ALPK1: variants seen among roughly 807,000 people sequenced by gnomAD.
ALPK1 encodes alpha kinase 1.
Under a neutral mutation model 120.6 loss-of-function variants are expected in ALPK1, and 110 were observed. That is an observed-to-expected ratio of 0.91 (90% CI 0.78 to 1.07). The LOEUF (loss-of-function observed/expected upper bound fraction) is 1.07, where lower values mean the gene tolerates loss of function less well. Among genes scored for constraint, ALPK1 ranks in the 50% least tolerant of loss-of-function variants. The pLI, the probability that ALPK1 is intolerant of heterozygous loss-of-function variation, is 0.00. For synonymous variants in ALPK1, 582 were observed against 560.3 expected (o/e 1.04, Z -0.55); for missense variants, 1,498 against 1,483.9 (o/e 1.01, Z -0.16).
chr4:112,403,413 G>C (rs949940237), intron 4 of ALPK1, among the ~76,000 whole-genome samples: 31 of 152,176 alleles, frequency 2.0e-4, no homozygotes, highest in African/African-American at 7.0e-4. Flanking sequence ...CGTTTCAAAA[G>C]GGAAAGAGAA....
chr4:112,427,740 C>G, intron 9 of ALPK1, 75 bp downstream of exon 9: 4 of 1,053,024 alleles, frequency 3.8e-6, no homozygotes, highest in Non-Finnish European at 4.4e-6. Context: ...TAGTGGCTGT[C>G]TTTCTCAGGA....
At chr4:112,421,746 G>A (rs1398723142) in intron 5 of ALPK1, among the ~76,000 whole-genome samples, 2 of 152,046 alleles carry the variant, frequency 1.3e-5, no homozygotes, top group Admixed American at 6.5e-5. Context: ...CATCTATCAC[G>A]CACGGTAGCC....
chr4:112,315,905 G>A (rs1286080146), intron 2 of ALPK1, 53 bp downstream of exon 2: 1 of 152,054 alleles, frequency 6.6e-6, no homozygotes, highest in African/African-American at 2.4e-5. Context: ...TAACTACATA[G>A]CAATACGTAG....
intron 4 of ALPK1, among the ~76,000 whole-genome samples, chr4:112,398,786 C>T (rs2148739626): frequency 6.6e-6 from 1 of 152,136 alleles, no homozygotes; most frequent in East Asian, 1.9e-4. Flanking sequence ...AGTGGGTGCC[C>T]TGGAGGAGAT....
At chr4:112,414,491 C>A in intron 5 of ALPK1, 1 of 331,926 alleles carries the variant, frequency 3.0e-6, no homozygotes, top group Non-Finnish European at 6.2e-6. Flanking sequence ...GCCTGTAATC[C>A]CAGCTACTTA....
intron 2 of ALPK1, among the ~76,000 whole-genome samples, chr4:112,317,184 A>C (rs923110652): frequency 6.6e-6 from 1 of 151,982 alleles, no homozygotes; most frequent in Non-Finnish European, 1.5e-5. Flanking sequence ...TTCTCATTTC[A>C]TAGGTTTCCT....
rs540359544 is a variant in ALPK1, at chr4:112,358,932, C to G, written c.-100-18746C>G. The G allele has an allele frequency of 1.0e-4, 80 of 768,966 alleles. No homozygotes were observed. In the African/African-American group the frequency reaches 1.3e-3, roughly 12 times the overall value. The allele number at this position is 768,966 out of a possible 1,614,324, so 47.6% of individuals were successfully genotyped here. ...TGAAAACCCCAAGAAGCACAGCCAG[C>G]TCCAGGGCTTCTACCAGTTTGTGCA... On this transcript the variant is annotated intron_variant, in intron 2 of 15. Coordinates refer to ENST00000650871, the MANE Select transcript of ALPK1 (RefSeq NM_025144.4).
chr4:112,374,710 T>A (rs1324016279), intron 2 of ALPK1, among the ~76,000 whole-genome samples: 4 of 152,244 alleles, frequency 2.6e-5, no homozygotes, highest in Non-Finnish European at 5.9e-5. Flanking sequence ...GAATGAATGT[T>A]ATATCAGCAG....
intron 2 of ALPK1, chr4:112,359,669 G>A: frequency 4.2e-6 from 1 of 240,500 alleles, no homozygotes; most frequent in Non-Finnish European, 8.5e-6. Flanking sequence ...GGGCCTTGGG[G>A]GAGGATGGTG....
intron 1 of ALPK1, among the ~76,000 whole-genome samples, chr4:112,315,161 T>G (rs1041315950): frequency 6.6e-6 from 1 of 152,090 alleles, no homozygotes; most frequent in Non-Finnish European, 1.5e-5. Flanking sequence ...GGATTACAGG[T>G]GCAAGACACT....
intron 4 of ALPK1, among the ~76,000 whole-genome samples, chr4:112,395,118 T>C (rs1451415080): frequency 6.6e-6 from 1 of 152,184 alleles, no homozygotes; most frequent in African/African-American, 2.4e-5. Context: ...TGTGATATAT[T>C]CTTCACAGCA....
In ALPK1 at chr4:112,359,189, C is replaced by T. The variant is rs1730793963; in HGVS notation, c.-100-18489C>T. 4.9e-6 allele frequency: 3 copies of T among 613,622 alleles called. 1 individual carries two copies. Among genetic ancestry groups the T allele is most frequent in the Non-Finnish European group, 8.9e-6 (3 of 336,528 alleles). The allele number at this position is 613,622 out of a possible 1,614,324, so 38.0% of individuals were successfully genotyped here. ...GGCCCCACCTGTCCCCCAGGCCACC[C>T]CCCACAGGAGACCCTGGCAGCCACC... On this transcript the variant is annotated intron_variant, in intron 2 of 15. Transcript: ENST00000650871.
Position 112,430,713 on chromosome 4 carries a change from T to C in ALPK1, c.1166T>C (p.Leu389Pro), listed in dbSNP as rs756949043. ...CTCTGTAAGGAAGCAATGGGGAAGCTGTACAATTTCAGCACTTCCTCCAGA... is the reference window on the plus strand; with the variant it reads ...CTCTGTAAGGAAGCAATGGGGAAGCCGTACAATTTCAGCACTTCCTCCAGA... The part of the protein sequence containing the change: ...SQLCKEAMGK[L>P]YNFSTSSRSQ... Residue 389 changes from leucine (L) to proline (P), a missense_variant, in exon 11 of 16, where the codon CTG becomes CCG. Coordinates refer to ENST00000650871, the MANE Select transcript of ALPK1 (RefSeq NM_025144.4). 16 of 1,614,114 alleles carry C rather than the reference T, an allele frequency of 9.9e-6. No individual in the cohort carries two copies. In the East Asian group the frequency reaches 2.9e-4, roughly 29 times the overall value.
At chr4:112,383,727 G>T (rs1426578881) in intron 4 of ALPK1, 1 of 152,208 alleles carries the variant, frequency 6.6e-6, no homozygotes, top group African/African-American at 2.4e-5. Context: ...ACTTTACAGA[G>T]TGATTCAGAT....
intron 2 of ALPK1, among the ~76,000 whole-genome samples, chr4:112,373,860 C>T (rs1248926793): frequency 6.6e-6 from 1 of 152,232 alleles, no homozygotes; most frequent in Non-Finnish European, 1.5e-5. Context: ...AAAGTACCCA[C>T]CTTAATTAAG....
Position 112,431,609 on chromosome 4 carries a change from G to T in ALPK1, c.2062G>T (p.Ala688Ser). 1 of 1,614,202 alleles carries T rather than the reference G, an allele frequency of 6.2e-7. No homozygotes were observed. Among genetic ancestry groups the T allele is most frequent in the East Asian group, 2.2e-5 (1 of 44,890 alleles). The change falls in exon 11 of 16, where the codon GCA (alanine) becomes TCA (serine). Residue 688 changes from alanine (A) to serine (S), a missense_variant. Ala to Ser is a moderately conservative substitution (Grantham distance 99, BLOSUM62 1). Transcript: ENST00000650871. The part of the protein sequence containing the change: ...NTPGIFLAPG[A>S]GLLEGAPEGI... ...CCCAGGCATTTTCTTGGCCCCTGGT[G>T]CAGGGCTTCTAGAAGGAGCTCCAGA...
chr4:112,360,885 ATCT>A (rs1010735163), intron 2 of ALPK1, among the ~76,000 whole-genome samples: 3 of 152,048 alleles, frequency 2.0e-5, no homozygotes, highest in Admixed American at 6.5e-5. Flanking sequence ...TGCTTTAAAG[ATCT>A]TCTATGTCTT....
At chr4:112,349,554 C>CCCG (rs1553939362) in intron 2 of ALPK1, among the ~76,000 whole-genome samples, 42 of 141,656 alleles carry the variant, frequency 3.0e-4, no homozygotes, top group African/African-American at 1.1e-3. Context: ...AACCCCTGCC[C>CCCG]CCCCCCGCTT....
At chr4:112,366,752 G>A (rs1310064086) in intron 2 of ALPK1, among the ~76,000 whole-genome samples, 2 of 152,206 alleles carry the variant, frequency 1.3e-5, no homozygotes, top group African/African-American at 2.4e-5. Context: ...GCACATGCAT[G>A]TTTATAGCAG....
Sources: allele counts gnomAD v4.1 joint callset (sites outside exome capture counted in the v4.1 genomes callset), GRCh38; gene constraint gnomAD v4.1.1; transcripts MANE v1.5; gene names NCBI Gene and HGNC (gene_info 2026-07-23, HGNC 2026-07-21).